The following MAGI3 variants were observed in gnomAD, a reference collection of about 807,000 sequenced individuals.
MAGI3 encodes the protein membrane associated guanylate kinase, WW and PDZ domain containing 3, also known as membrane-associated guanylate kinase, WW and PDZ domain-containing protein 3.
Under a neutral mutation model 121.8 loss-of-function variants are expected in MAGI3, and 43 were observed. The observed-to-expected ratio is 0.35, with a 90% CI of 0.28 to 0.46. The LOEUF is 0.46. MAGI3 is among the 20% of genes least tolerant of loss of function. MAGI3 has a pLI of 1.00. For missense variants in MAGI3, 1,547 were observed against 1,797.3 expected (o/e 0.86, Z 2.52); for synonymous variants, 553 against 639.3 (o/e 0.86, Z 2.04).
chr1:113,635,261 A>G (rs920965647), intron 9 of MAGI3, among the ~76,000 whole-genome samples: 1 of 152,142 alleles, frequency 6.6e-6, no homozygotes, highest in Non-Finnish European at 1.5e-5. Context: ...TTCCAACACT[A>G]TGTTGAATAG....
At chr1:113,466,533 A>G (rs1280608836) in intron 1 of MAGI3, among the ~76,000 whole-genome samples, 4 of 152,128 alleles carry the variant, frequency 2.6e-5, no homozygotes, top group East Asian at 3.9e-4. Context: ...CTCTGGTTCA[A>G]TTTTTTGAGT....
At chr1:113,433,396 A>G (rs186231180) in intron 1 of MAGI3, among the ~76,000 whole-genome samples, 63 of 152,334 alleles carry the variant, frequency 4.1e-4, no homozygotes, top group Admixed American at 1.8e-3. Context: ...TAAATAGAAC[A>G]CTATAAATTT....
intron 1 of MAGI3, among the ~76,000 whole-genome samples, chr1:113,547,533 T>G (rs1489790031): frequency 6.6e-6 from 1 of 152,198 alleles, no homozygotes; most frequent in Non-Finnish European, 1.5e-5. Context: ...ACAAAACACC[T>G]TTAGACAACT....
chr1:113,652,832 A>G (rs1653248675), intron 14 of MAGI3, among the ~76,000 whole-genome samples: 1 of 152,224 alleles, frequency 6.6e-6, no homozygotes, highest in Non-Finnish European at 1.5e-5. Flanking sequence ...ACTTTGTGTC[A>G]TTCTCAAGTT....
intron 8 of MAGI3, among the ~76,000 whole-genome samples, chr1:113,621,352 G>A (rs995093150): frequency 6.6e-6 from 1 of 152,142 alleles, no homozygotes; most frequent in Admixed American, 6.6e-5. Flanking sequence ...GGAAGTTGAA[G>A]ATTGAAAAAT....
At chr1:113,628,042 G>T (rs1377423495) in intron 9 of MAGI3, among the ~76,000 whole-genome samples, 1 of 152,008 alleles carries the variant, frequency 6.6e-6, no homozygotes, top group Non-Finnish European at 1.5e-5. Context: ...GATCAGTAAG[G>T]ACTTACTCCT....
At chr1:113,495,593 T>C (rs1656882336) in intron 1 of MAGI3, among the ~76,000 whole-genome samples, 1 of 152,188 alleles carries the variant, frequency 6.6e-6, no homozygotes. Flanking sequence ...ATAATGCATG[T>C]TCGAACTTTT....
intron 1 of MAGI3, among the ~76,000 whole-genome samples, chr1:113,526,995 A>G (rs1377913354): frequency 6.6e-6 from 1 of 152,214 alleles, no homozygotes; most frequent in African/African-American, 2.4e-5. Context: ...AAATGGGAAG[A>G]AAAACAGTAC....
chr1:113,538,784 G>A (rs1015398977), intron 1 of MAGI3, among the ~76,000 whole-genome samples: 1 of 152,066 alleles, frequency 6.6e-6, no homozygotes, highest in Non-Finnish European at 1.5e-5. Context: ...TAGTTTATCC[G>A]TTGACTGAGA....
intron 3 of MAGI3, among the ~76,000 whole-genome samples, chr1:113,583,975 C>A (rs1262832869): frequency 6.6e-6 from 1 of 152,030 alleles, no homozygotes; most frequent in Non-Finnish European, 1.5e-5. Flanking sequence ...TAAATGTTTT[C>A]CCCCTCAAAA....
chr1:113,504,944 T>C (rs1367421653), intron 1 of MAGI3, among the ~76,000 whole-genome samples: 2 of 152,196 alleles, frequency 1.3e-5, no homozygotes, highest in Non-Finnish European at 2.9e-5. Context: ...CAGAAGTATG[T>C]ATTAATATAT....
At chr1:113,505,024 A>G (rs1235717285) in intron 1 of MAGI3, among the ~76,000 whole-genome samples, 1 of 152,150 alleles carries the variant, frequency 6.6e-6, no homozygotes, top group Non-Finnish European at 1.5e-5. Context: ...GAACCTACAC[A>G]TTTATATGTT....
chr1:113,632,024 C>T (rs1651667850), intron 9 of MAGI3, among the ~76,000 whole-genome samples: 1 of 152,100 alleles, frequency 6.6e-6, no homozygotes, highest in African/African-American at 2.4e-5. Flanking sequence ...TTTTCTAATC[C>T]TCTGTTATTT....
At chr1:113,453,762 C>A (rs1006692034) in intron 1 of MAGI3, among the ~76,000 whole-genome samples, 2 of 152,176 alleles carry the variant, frequency 1.3e-5, no homozygotes, top group Admixed American at 1.3e-4. Flanking sequence ...CTATGATAGG[C>A]CTTTATGGCT....
rs1486787734 is a variant in MAGI3 at position 113,416,234 on chromosome 1, TATTA to T, written c.316+24890_316+24893del. On this transcript the variant is annotated intron_variant, in intron 1 of 20. Transcript: ENST00000307546. The stretch of plus-strand genomic sequence containing the variant: ...ATTATTATGTGTAATTAATGACACA[TATTA>T]ATTATGTAATTAATTACACATATTA... Among the ~76,000 whole-genome samples the T allele has an allele frequency of 8.0e-5, 11 of 137,692 alleles. 1 individual carries two copies. The highest frequency in any genetic ancestry group is 1.0e-4 in the African/African-American group (4 of 38,830). 90.3% of individuals were successfully genotyped at this position (137,692 alleles called of 152,430 possible).
intron 9 of MAGI3, among the ~76,000 whole-genome samples, chr1:113,636,428 T>C (rs1652028937): frequency 6.6e-6 from 1 of 152,232 alleles, no homozygotes; most frequent in Non-Finnish European, 1.5e-5. Flanking sequence ...GTATGTTGTG[T>C]CTTTCTTCTT....
chr1:113,643,670 G>A lies in MAGI3; in HGVS notation c.1967-73G>A, dbSNP rs964551590. ...ACTAAAAGTTGAAGCTAGTTTTATC[G>A]TAAACATTAGCAGTATTTGTGATCT... On this transcript the variant is annotated intron_variant, in intron 10 of 20. Coordinates refer to ENST00000307546, the MANE Select transcript of MAGI3 (RefSeq NM_001142782.2). The A allele has an allele frequency of 2.6e-5, 37 of 1,423,856 alleles. No homozygotes were observed. In the East Asian group the frequency reaches 3.6e-4, roughly 14 times the overall value. 88.2% of individuals were successfully genotyped at this position (1,423,856 alleles called of 1,614,324 possible). A position where few individuals can be genotyped will look rare whatever the true frequency, so the allele number is the denominator to read the frequency against.
chr1:113,429,499 G>C (rs1653191261), intron 1 of MAGI3, among the ~76,000 whole-genome samples: 1 of 152,134 alleles, frequency 6.6e-6, no homozygotes, highest in South Asian at 2.1e-4. Context: ...TTGGTAACTT[G>C]GTTTACACTC....
At chr1:113,525,820 G>A (rs1383728008) in intron 1 of MAGI3, among the ~76,000 whole-genome samples, 2 of 152,018 alleles carry the variant, frequency 1.3e-5, no homozygotes, top group Admixed American at 6.6e-5. Context: ...TGGCCAACAT[G>A]GTGAAACCCC....
Sources: gnomAD v4.1 joint callset for allele counts (sites outside exome capture counted in the v4.1 genomes callset) on GRCh38, gnomAD v4.1.1 for gene constraint, MANE v1.5 for transcripts, NCBI Gene and HGNC (gene_info 2026-07-23, HGNC 2026-07-21) for gene names.